The following SLC44A1 variants were observed in gnomAD, a reference collection of about 807,000 sequenced individuals.
SLC44A1 encodes the protein solute carrier family 44 member 1, also known as choline transporter-like protein 1.
SLC44A1 carries 26 observed loss-of-function variants against 79.3 expected under a neutral mutation model. The observed-to-expected ratio is 0.33, with a 90% CI of 0.24 to 0.46. SLC44A1 has a LOEUF of 0.46. SLC44A1 is among the 20% of genes least tolerant of loss of function. The pLI is 1.00. For synonymous variants in SLC44A1, 263 were observed against 286.2 expected (o/e 0.92, Z 0.82); for missense variants, 688 against 798.1 (o/e 0.86, Z 1.66).
At chr9:105,374,271 C>T (rs1453254659) in intron 12 of SLC44A1, among the ~76,000 whole-genome samples, 1 of 152,104 alleles carries the variant, frequency 6.6e-6, no homozygotes, top group Non-Finnish European at 1.5e-5. Context: ...ACAGTCACAA[C>T]CCTGAGACAT....
Position 105,335,665 on chromosome 9 carries a change from T to G in SLC44A1, c.372T>G (p.Thr124=), listed in dbSNP as rs1236677666. Residue 124 remains threonine, a synonymous_variant, in exon 4 of 16, where the codon ACT becomes ACG. Transcript: ENST00000374720. ...VAACPRQELK[T]LSDVQKFAEI... ...CGTGTCCAAGGCAAGAACTGAAAAC[T>G]CTGAGTGATGTTCAGAAGTTTGCAG... The G allele has an allele frequency of 6.2e-7, 1 of 1,613,664 alleles. No homozygotes were observed. The highest frequency in any genetic ancestry group is 8.5e-7 in the Non-Finnish European group (1 of 1,179,728).
chr9:105,388,757 A>G (rs1187012358), intron 15 of SLC44A1, among the ~76,000 whole-genome samples: 1 of 152,204 alleles, frequency 6.6e-6, no homozygotes, highest in East Asian at 1.9e-4. Flanking sequence ...GCTATCATAT[A>G]GGAAAGAACT....
intron 15 of SLC44A1, chr9:105,386,413 A>G: frequency 1.0e-6 from 1 of 981,636 alleles, no homozygotes; most frequent in South Asian, 4.7e-5. Context: ...ACTGCATATA[A>G]TGTTCAAAAG....
intron 13 of SLC44A1, among the ~76,000 whole-genome samples, chr9:105,379,633 C>CT (rs1479526220): frequency 3.3e-5 from 5 of 152,040 alleles, no homozygotes; most frequent in Non-Finnish European, 7.4e-5. Context: ...CTATGGTACT[C>CT]TAATAGTTTT....
chr9:105,362,073 CGT>C lies in SLC44A1; in HGVS notation c.901-730_901-729del, dbSNP rs146638340. 3.5e-3 allele frequency among the ~76,000 whole-genome samples: 519 copies of C among 149,920 alleles called. 1 individual carries two copies. Among genetic ancestry groups the C allele is most frequent in the Non-Finnish European group, 4.7e-3 (320 of 67,376 alleles). On this transcript the variant is annotated intron_variant, in intron 8 of 15. Coordinates refer to ENST00000374720, the MANE Select transcript of SLC44A1 (RefSeq NM_080546.5). ...GTGTGCGTGTGTGTGCGCGCGCGCG[CGT>C]GTGTGTGTGTGTGTGTGAGATTTGC... is the stretch of plus-strand genomic sequence containing the variant.
At chr9:105,436,252 T>C (rs1829462769) in intron 15 of SLC44A1, among the ~76,000 whole-genome samples, 1 of 152,144 alleles carries the variant, frequency 6.6e-6, no homozygotes, top group Admixed American at 6.6e-5. Context: ...GGAAAGAACT[T>C]TTATCTTAAC....
At chr9:105,315,984 AT>A (rs1204189208) in intron 3 of SLC44A1, among the ~76,000 whole-genome samples, 5 of 152,194 alleles carry the variant, frequency 3.3e-5, no homozygotes, top group Admixed American at 6.5e-5. Flanking sequence ...ACAGACCACT[AT>A]TACGAATACT....
chr9:105,385,201 A>G (rs944919876), intron 14 of SLC44A1, among the ~76,000 whole-genome samples: 1 of 152,214 alleles, frequency 6.6e-6, no homozygotes. Context: ...GATTGTCACA[A>G]TGAATGGATG....
intron 13 of SLC44A1, among the ~76,000 whole-genome samples, chr9:105,381,958 T>A (rs908063770): frequency 2.6e-5 from 4 of 152,154 alleles, no homozygotes; most frequent in African/African-American, 9.7e-5. Flanking sequence ...ATTCTAGGGG[T>A]CTCTTTTTTC....
Position 105,304,944 on chromosome 9 carries a change from G to GTTTT in SLC44A1, c.127-4741_127-4738dup, listed in dbSNP as rs10589897. Among the ~76,000 whole-genome samples the GTTTT allele has an allele frequency of 2.0e-4, 4 of 20,078 alleles. 1 individual carries two copies. The highest frequency in any genetic ancestry group is 3.9e-3 in the East Asian group (2 of 518). The allele number at this position is 20,078 out of a possible 152,430, so 13.2% of individuals were successfully genotyped here. ...GTAGTTATTCCCTAGACTTTCTATC[G>GTTTT]TTTTTTTTTTTTTTTTTTTTTTTTT... On this transcript the variant is annotated intron_variant, in intron 2 of 15. Transcript: ENST00000374720.
At chr9:105,339,937 A>G (rs1202384364) in intron 4 of SLC44A1, among the ~76,000 whole-genome samples, 1 of 152,234 alleles carries the variant, frequency 6.6e-6, no homozygotes, top group African/African-American at 2.4e-5. Context: ...TTGCATGAAA[A>G]TTGAGGACAC....
intron 15 of SLC44A1, among the ~76,000 whole-genome samples, chr9:105,423,559 G>A (rs1829282879): frequency 2.0e-5 from 3 of 152,180 alleles, no homozygotes; most frequent in Admixed American, 2.0e-4. Flanking sequence ...AGATTTTGCT[G>A]CAAATCAGAC....
In SLC44A1 at chr9:105,348,358, G is replaced by C; in HGVS notation, c.407G>C (p.Gly136Ala). The C allele has an allele frequency of 6.3e-7, 1 of 1,586,128 alleles. No homozygotes were observed. The highest frequency in any genetic ancestry group is 8.6e-7 in the Non-Finnish European group (1 of 1,156,694). The change falls in exon 5 of 16, where the codon GGT (glycine) becomes GCT (alanine). Residue 136 changes from glycine (G) to alanine (A), a missense_variant and splice_region_variant. Coordinates refer to ENST00000374720, the MANE Select transcript of SLC44A1 (RefSeq NM_080546.5). The stretch of plus-strand genomic sequence containing the variant: ...CCTAACATAATTTTTCTTTCAACAG[G>C]TTCAGCCCTATGTAGCTACAACCTA... ...SDVQKFAEIN[G>A]SALCSYNLKP...
At chr9:105,277,910 A>G (rs1371370901) in intron 1 of SLC44A1, among the ~76,000 whole-genome samples, 1 of 152,220 alleles carries the variant, frequency 6.6e-6, no homozygotes, top group East Asian at 1.9e-4. Flanking sequence ...GTGTAGCTGT[A>G]AACCCTGGGG....
At chr9:105,314,547 T>G (rs1411448616) in intron 3 of SLC44A1, among the ~76,000 whole-genome samples, 1 of 152,210 alleles carries the variant, frequency 6.6e-6, no homozygotes, top group Non-Finnish European at 1.5e-5. Context: ...TAAACATATA[T>G]TTTTGCACAA....
At chr9:105,306,997 G>C (rs1205227775) in intron 2 of SLC44A1, among the ~76,000 whole-genome samples, 1 of 152,076 alleles carries the variant, frequency 6.6e-6, no homozygotes, top group Non-Finnish European at 1.5e-5. Context: ...AGAAATTTTT[G>C]TTCTAAAATA....
intron 15 of SLC44A1, among the ~76,000 whole-genome samples, chr9:105,411,672 G>C (rs1310795857): frequency 2.0e-5 from 3 of 151,900 alleles, no homozygotes; most frequent in East Asian, 3.9e-4. Context: ...TCATGACCTT[G>C]ATGTATTTGA....
chr9:105,309,390 A>C (rs1387762675), intron 2 of SLC44A1, among the ~76,000 whole-genome samples: 1 of 152,200 alleles, frequency 6.6e-6, no homozygotes, highest in East Asian at 1.9e-4. Flanking sequence ...ACGTACTACA[A>C]GCACCTATTA....
intron 1 of SLC44A1, among the ~76,000 whole-genome samples, chr9:105,277,054 T>G (rs1588723509): frequency 6.6e-6 from 1 of 152,150 alleles, no homozygotes; most frequent in South Asian, 2.1e-4. Context: ...GTGGTAGCAG[T>G]GGAGAACTGA....
Sources: allele counts gnomAD v4.1 joint callset (sites outside exome capture counted in the v4.1 genomes callset), GRCh38; gene constraint gnomAD v4.1.1; transcripts MANE v1.5; gene names NCBI Gene and HGNC (gene_info 2026-07-23, HGNC 2026-07-21).